THRB: variants seen among roughly 807,000 people sequenced by gnomAD.
THRB encodes nuclear receptor subfamily 1 group A member 2.
In THRB, 12 loss-of-function variants were observed where a neutral mutation model predicts 47.8. That is an observed-to-expected ratio of 0.25 (90% confidence interval 0.16 to 0.41). The LOEUF (loss-of-function observed/expected upper bound fraction) is 0.41. THRB is among the 10% of genes least tolerant of loss of function. The probability of loss-of-function intolerance (pLI) is 1.00; values close to 1 mark genes in which losing one functional copy is unlikely to be tolerated. For missense variants in THRB, 348 were observed against 589.2 expected (o/e 0.59, Z 4.24); for synonymous variants, 218 against 212.2 (o/e 1.03, Z -0.24).
chr3:24,428,681 G>A (rs1009155090), intron 1 of THRB, among the ~76,000 whole-genome samples: 2 of 151,500 alleles, frequency 1.3e-5, no homozygotes, highest in African/African-American at 4.9e-5. Flanking sequence ...GGTTATGTTC[G>A]AGGCAAGAAG....
chr3:24,213,612 G>C (rs369314018), intron 4 of THRB, among the ~76,000 whole-genome samples: 1 of 152,146 alleles, frequency 6.6e-6, no homozygotes, highest in South Asian at 2.1e-4. Flanking sequence ...GTGGAGGGAG[G>C]CCCTAGCAAA....
chr3:24,199,054 T>G (rs190130721), intron 4 of THRB, among the ~76,000 whole-genome samples: 1 of 152,274 alleles, frequency 6.6e-6, no homozygotes, highest in East Asian at 1.9e-4. Flanking sequence ...TAGACTAGGC[T>G]CCATAAATTA....
rs2031919588 is a variant in THRB at position 24,122,750 on chromosome 3, T to C, written c.*134A>G. The C allele has an allele frequency of 7.9e-7, 1 of 1,273,812 alleles. No homozygotes were observed. The highest frequency in any genetic ancestry group is 1.1e-6 in the Non-Finnish European group (1 of 885,680). The allele number at this position is 1,273,812 out of a possible 1,614,324, so 78.9% of individuals were successfully genotyped here. On this transcript the variant is annotated 3_prime_UTR_variant, in exon 11 of 11. Transcript: ENST00000646209. Reference sequence around the variant, plus strand: ...CAAGGGGCAATTTCATCCATGTCTATGCCAAGGACTACTTCCCTTTTCCCT... The same window carrying C: ...CAAGGGGCAATTTCATCCATGTCTACGCCAAGGACTACTTCCCTTTTCCCT...
At chr3:24,183,521 C>T (rs952561283) in intron 5 of THRB, among the ~76,000 whole-genome samples, 15 of 151,526 alleles carry the variant, frequency 9.9e-5, no homozygotes, top group African/African-American at 2.9e-4. Flanking sequence ...GCACACGCCA[C>T]CATCCCCAGC....
intron 3 of THRB, among the ~76,000 whole-genome samples, chr3:24,291,449 C>A (rs1475407138): frequency 1.3e-5 from 2 of 151,940 alleles, no homozygotes; most frequent in Admixed American, 6.6e-5. Context: ...GTTCTAGGAC[C>A]TCCCTTGGAC....
intron 3 of THRB, among the ~76,000 whole-genome samples, chr3:24,289,934 C>CA (rs779204697): frequency 1.4e-4 from 21 of 152,278 alleles, no homozygotes; most frequent in Non-Finnish European, 2.8e-4. Flanking sequence ...CAAAGGCCTC[C>CA]AGTGTCTTTC....
intron 8 of THRB, among the ~76,000 whole-genome samples, 184 bp from the exon 9 acceptor site, chr3:24,133,646 T>C (rs1035766053): frequency 1.2e-4 from 18 of 152,186 alleles, no homozygotes; most frequent in Admixed American, 3.3e-4. Flanking sequence ...TTTTGGCCAT[T>C]GCTTTAATAG....
At chr3:24,453,985 TTAGCACCCG>T (rs2072926304) in intron 1 of THRB, among the ~76,000 whole-genome samples, 1 of 152,184 alleles carries the variant, frequency 6.6e-6, no homozygotes, top group African/African-American at 2.4e-5. Flanking sequence ...TTATTTTATC[TTAGCACCCG>T]CTCTCTACTT....
rs986528895 is a variant in THRB at position 24,236,966 on chromosome 3, G to A, written c.-42-7965C>T. On this transcript the variant is annotated intron_variant, in intron 3 of 10. Coordinates refer to ENST00000646209, the MANE Select transcript of THRB (RefSeq NM_001354712.2). The stretch of plus-strand genomic sequence containing the variant: ...GCAAGGTGTTTTCAAATCATACCAC[G>A]CTGTGATCCACCTTTTGTATTCAGT... Among the ~76,000 whole-genome samples, 47 of 152,132 alleles carry A rather than the reference G, an allele frequency of 3.1e-4. 1 individual carries two copies. Among genetic ancestry groups the A allele is most frequent in the Non-Finnish European group, 2.2e-4 (15 of 68,012 alleles).
At chr3:24,210,761 T>C (rs1228785057) in intron 4 of THRB, among the ~76,000 whole-genome samples, 1 of 152,124 alleles carries the variant, frequency 6.6e-6, no homozygotes, top group East Asian at 1.9e-4. Flanking sequence ...TGGTTGACAG[T>C]AAGTAAGGTA....
At chr3:24,188,886 A>ATATATATATATATATAT (rs1559548533) in intron 5 of THRB, among the ~76,000 whole-genome samples, 17 of 68,288 alleles carry the variant, frequency 2.5e-4, no homozygotes, top group African/African-American at 2.1e-3. Flanking sequence ...TATATATATG[A>ATATATATATATATATAT]GAGAAAGAGA....
chr3:24,296,748 G>T (rs1405499874), intron 3 of THRB, among the ~76,000 whole-genome samples: 2 of 152,164 alleles, frequency 1.3e-5, no homozygotes, highest in Non-Finnish European at 2.9e-5. Flanking sequence ...CCAAGGAGGG[G>T]GAGGATGTTC....
intron 4 of THRB, among the ~76,000 whole-genome samples, chr3:24,218,386 C>T (rs370501830): frequency 4.1e-4 from 53 of 128,530 alleles, no homozygotes; most frequent in African/African-American, 1.4e-3. Flanking sequence ...CTTAGCTGTA[C>T]GGAAAATTCT....
intron 3 of THRB, among the ~76,000 whole-genome samples, chr3:24,263,473 A>G (rs955703311): frequency 3.3e-5 from 5 of 152,114 alleles, no homozygotes; most frequent in Admixed American, 3.3e-4. Context: ...TTATGATGTC[A>G]CCAATATGCA....
intron 5 of THRB, among the ~76,000 whole-genome samples, chr3:24,162,974 G>T (rs2039101663): frequency 6.6e-6 from 1 of 152,104 alleles, no homozygotes; most frequent in African/African-American, 2.4e-5. Context: ...CATGAACACA[G>T]ATGAAGCAAT....
chr3:24,189,647 G>C (rs938195034), intron 5 of THRB, among the ~76,000 whole-genome samples: 6 of 152,138 alleles, frequency 3.9e-5, no homozygotes, highest in African/African-American at 1.2e-4. Flanking sequence ...AATTGTCTAG[G>C]TTAAAGGTAG....
At chr3:24,212,741 A>C (rs1428104857) in intron 4 of THRB, among the ~76,000 whole-genome samples, 1 of 152,104 alleles carries the variant, frequency 6.6e-6, no homozygotes, top group Admixed American at 6.5e-5. Flanking sequence ...TCCAGATAGT[A>C]CAGGGAGTGC....
intron 3 of THRB, among the ~76,000 whole-genome samples, chr3:24,255,860 C>G (rs1426808271): frequency 6.6e-6 from 1 of 152,126 alleles, no homozygotes; most frequent in Non-Finnish European, 1.5e-5. Flanking sequence ...AAGGAAGTAG[C>G]AATGATTAGA....
chr3:24,408,244 C>T (rs571271460), intron 1 of THRB, among the ~76,000 whole-genome samples: 2 of 151,880 alleles, frequency 1.3e-5, no homozygotes, highest in South Asian at 4.2e-4. Context: ...GAAATATATC[C>T]ATCAATTTAC....
Sources: gnomAD v4.1 joint callset for allele counts (sites outside exome capture counted in the v4.1 genomes callset) on GRCh38, gnomAD v4.1.1 for gene constraint, MANE v1.5 for transcripts, NCBI Gene and HGNC (gene_info 2026-07-23, HGNC 2026-07-21) for gene names.